ADAT2: variants seen among roughly 807,000 people sequenced by gnomAD.
The protein encoded by ADAT2 is adenosine deaminase tRNA specific 2.
ADAT2 carries 26 observed loss-of-function variants against 25.9 expected under a neutral mutation model. That is an observed-to-expected ratio of 1.00 (90% confidence interval 0.74 to 1.39). The LOEUF is 1.39. ADAT2 is among the 40% of genes most tolerant of loss of function. The pLI, the probability that ADAT2 is intolerant of heterozygous loss-of-function variation, is 0.00. For missense variants in ADAT2, 220 were observed against 244.8 expected (o/e 0.90, Z 0.68); for synonymous variants, 76 against 86.8 (o/e 0.88, Z 0.69).
chr6:143,448,605 G>C (rs541174277), intron 1 of ADAT2, among the ~76,000 whole-genome samples: 21 of 152,078 alleles, frequency 1.4e-4, no homozygotes, highest in African/African-American at 4.8e-4. Context: ...TTTCACTTTT[G>C]CCAATTTAAC....
rs778735857 is a variant in ADAT2, at chr6:143,432,646, A to C, written c.353-35T>G. 6.3e-7 allele frequency: 1 copy of C among 1,596,324 alleles called. No individual in the cohort carries two copies. Among genetic ancestry groups the C allele is most frequent in the South Asian group, 1.1e-5 (1 of 90,690 alleles). ...AATTAAGGTCCTGCATAGAATGTAC[A>C]TTTCAAGTATGTATCGTGACAAAAT... On this transcript the variant is annotated intron_variant, in intron 3 of 5. Transcript: ENST00000237283. This position sits in a 1 kb window ranked among gnomAD's most constrained non-coding sequence, Gnocchi z 4.4.
chr6:143,436,489 G>T lies in ADAT2; in HGVS notation c.201+2101C>A. On this transcript the variant is annotated intron_variant, in intron 2 of 5. Transcript: ENST00000237283. The surrounding 1 kb of genome is among the most constrained non-coding windows in gnomAD (Gnocchi z 4.1). Reference sequence around the variant, plus strand: ...CACCACTTTCATCAGTAACAACACGGCCATCCAGGAGCTGCTCAGAGACGT... The same window carrying T: ...CACCACTTTCATCAGTAACAACACGTCCATCCAGGAGCTGCTCAGAGACGT... The T allele has an allele frequency of 3.4e-6, 1 of 291,980 alleles. No individual in the cohort carries two copies. The highest frequency in any genetic ancestry group is 4.0e-5 in the South Asian group (1 of 24,818). The allele number at this position is 291,980 out of a possible 1,614,324, so 18.1% of individuals were successfully genotyped here.
chr6:143,432,042 T>G lies in ADAT2; in HGVS notation c.459+463A>C, dbSNP rs1256284276. On this transcript the variant is annotated intron_variant, in intron 4 of 5. Transcript: ENST00000237283. This position sits in a 1 kb window ranked among gnomAD's most constrained non-coding sequence, Gnocchi z 4.4. ...AAAGACATGAAAATACAGTGATTGC[T>G]AGATACTAAAATAAGGATGTGGCAA... 6.6e-6 allele frequency among the ~76,000 whole-genome samples: 1 copy of G among 152,218 alleles called. No individual in the cohort carries two copies. Among genetic ancestry groups the G allele is most frequent in the Non-Finnish European group, 1.5e-5 (1 of 68,014 alleles).
intron 2 of ADAT2, among the ~76,000 whole-genome samples, chr6:143,435,197 C>T (rs1024962879): frequency 1.3e-5 from 2 of 148,610 alleles, no homozygotes; most frequent in Non-Finnish European, 3.0e-5. Context: ...AACTTAGGTG[C>T]TTTCAAAAAA....
At chr6:143,450,516 C>G in intron 1 of ADAT2, 47 bp downstream of exon 1, 1 of 1,594,212 alleles carries the variant, frequency 6.3e-7, no homozygotes, top group Non-Finnish European at 8.6e-7. Context: ...GGGTTGAGGG[C>G]TGGAGAAAGG....
intron 2 of ADAT2, among the ~76,000 whole-genome samples, chr6:143,438,035 T>C (rs1779343094): frequency 6.6e-6 from 1 of 152,174 alleles, no homozygotes; most frequent in Non-Finnish European, 1.5e-5. Context: ...CAGCTGGTGT[T>C]GAAGACCCTA....
chr6:143,428,260 G>T lies in ADAT2; in HGVS notation c.*203C>A. 1 of 608,602 alleles carries T rather than the reference G, an allele frequency of 1.6e-6. No individual in the cohort carries two copies. Among genetic ancestry groups the T allele is most frequent in the Non-Finnish European group, 2.8e-6 (1 of 353,614 alleles). The allele number at this position is 608,602 out of a possible 1,614,324, so 37.7% of individuals were successfully genotyped here. On this transcript the variant is annotated 3_prime_UTR_variant, in exon 6 of 6. Transcript: ENST00000237283. This position sits in a 1 kb window ranked among gnomAD's most constrained non-coding sequence, Gnocchi z 5.0. ...CATCTTAAAATGGGAATCAGCTTCT[G>T]GAAAAGCTAATAACTGTTTACAATT... is the stretch of plus-strand genomic sequence containing the variant.
chr6:143,448,217 C>A (rs1463061178), intron 1 of ADAT2, among the ~76,000 whole-genome samples: 1 of 151,640 alleles, frequency 6.6e-6, no homozygotes, highest in Non-Finnish European at 1.5e-5. Flanking sequence ...CACTTGGACA[C>A]AGGGTGGGGA....
At position 143,427,295 on chromosome 6, in the gene ADAT2, G is replaced by C. The variant is rs1778965924; in HGVS notation, c.*1168C>G. On this transcript the variant is annotated 3_prime_UTR_variant, in exon 6 of 6. Transcript: ENST00000237283. ...TCAAATGACAGAACCAACAAATACA[G>C]ATGCTTTGCATCAAGGAAATGAATC... The C allele has an allele frequency of 1.3e-5, 2 of 152,598 alleles. No homozygotes were observed. The highest frequency in any genetic ancestry group is 1.5e-5 in the Non-Finnish European group (1 of 68,042). The allele number at this position is 152,598 out of a possible 1,614,324, so 9.5% of individuals were successfully genotyped here.
intron 4 of ADAT2, among the ~76,000 whole-genome samples, chr6:143,431,413 A>G (rs1187292411): frequency 2.0e-5 from 3 of 152,262 alleles, no homozygotes; most frequent in Non-Finnish European, 2.9e-5. Flanking sequence ...ATATGGAGTC[A>G]GCAATTCATT....
In ADAT2 at chr6:143,437,327, A is replaced by C. The variant is rs551687079; in HGVS notation, c.201+1263T>G. 6.6e-6 allele frequency among the ~76,000 whole-genome samples: 1 copy of C among 152,354 alleles called. No individual in the cohort carries two copies. Among genetic ancestry groups the C allele is most frequent in the Non-Finnish European group, 1.5e-5 (1 of 68,032 alleles). On this transcript the variant is annotated intron_variant, in intron 2 of 5. Transcript: ENST00000237283. The surrounding 1 kb of genome is among the most constrained non-coding windows in gnomAD (Gnocchi z 4.1). ...CAGTATTTTTAATCACTGATAATCT[A>C]ATGTTACAAAGAAATTGCTTTTTTC... is the stretch of plus-strand genomic sequence containing the variant.
chr6:143,448,932 C>T (rs1779673637), intron 1 of ADAT2, among the ~76,000 whole-genome samples: 1 of 152,116 alleles, frequency 6.6e-6, no homozygotes, highest in South Asian at 2.1e-4. Flanking sequence ...GGGTATACAT[C>T]TTTCCTTTTA....
At chr6:143,431,201 T>C (rs1267360608) in intron 4 of ADAT2, among the ~76,000 whole-genome samples, 2 of 152,264 alleles carry the variant, frequency 1.3e-5, no homozygotes, top group Non-Finnish European at 2.9e-5. Flanking sequence ...GCTGAGCCGA[T>C]GTGGCTAGGT....
Position 143,432,708 on chromosome 6 carries a change from G to T in ADAT2, c.353-97C>A. The T allele has an allele frequency of 9.0e-7, 1 of 1,110,782 alleles. No individual in the cohort carries two copies. Among genetic ancestry groups the T allele is most frequent in the Non-Finnish European group, 1.4e-6 (1 of 737,188 alleles). 68.8% of individuals were successfully genotyped at this position (1,110,782 alleles called of 1,614,324 possible). ...TATACCAGCCATCCTGGAGAGGAAC[G>T]CTCATGCTACTCTTCAAACCAGTGA... On this transcript the variant is annotated intron_variant, in intron 3 of 5. Coordinates refer to ENST00000237283, the MANE Select transcript of ADAT2 (RefSeq NM_182503.3). This position sits in a 1 kb window ranked among gnomAD's most constrained non-coding sequence, Gnocchi z 4.4.
At chr6:143,441,654 T>C (rs1327118317) in intron 1 of ADAT2, 1 of 152,076 alleles carries the variant, frequency 6.6e-6, no homozygotes. Flanking sequence ...GATCCAAACT[T>C]CCCACCAGGC....
At position 143,428,718 on chromosome 6, in the gene ADAT2, G is replaced by A. The variant is rs1779016813; in HGVS notation, c.460-34C>T. The A allele has an allele frequency of 1.3e-6, 2 of 1,598,586 alleles. No individual in the cohort carries two copies. The highest frequency in any genetic ancestry group is 1.7e-4 in the Middle Eastern group (1 of 6,022). ...ATGAGAAAGTTGAGAATAAACATAGGCCTATGAAAATGTGTGCTGTATCCC... is the reference window on the plus strand; with the variant it reads ...ATGAGAAAGTTGAGAATAAACATAGACCTATGAAAATGTGTGCTGTATCCC... On this transcript the variant is annotated intron_variant, in intron 4 of 5. Coordinates refer to ENST00000237283, the MANE Select transcript of ADAT2 (RefSeq NM_182503.3). This position sits in a 1 kb window ranked among gnomAD's most constrained non-coding sequence, Gnocchi z 5.0.
In ADAT2 at chr6:143,437,625, A is replaced by C. The variant is rs1779329505; in HGVS notation, c.201+965T>G. Among the ~76,000 whole-genome samples, 1 of 152,218 alleles carries C rather than the reference A, an allele frequency of 6.6e-6. No individual in the cohort carries two copies. Among genetic ancestry groups the C allele is most frequent in the Non-Finnish European group, 1.5e-5 (1 of 68,024 alleles). On this transcript the variant is annotated intron_variant, in intron 2 of 5. Transcript: ENST00000237283. This position sits in a 1 kb window ranked among gnomAD's most constrained non-coding sequence, Gnocchi z 4.1. Reference sequence around the variant, plus strand: ...TAATCCTGTTCTATTTTATGGCTAAAAATAAATAAGTAAATAAATGATTTG... The same window carrying C: ...TAATCCTGTTCTATTTTATGGCTAACAATAAATAAGTAAATAAATGATTTG...
intron 1 of ADAT2, among the ~76,000 whole-genome samples, chr6:143,448,502 T>C (rs1349307714): frequency 6.6e-6 from 1 of 151,796 alleles, no homozygotes; most frequent in Non-Finnish European, 1.5e-5. Context: ...ACATGTTACA[T>C]ACAAAAAAAA....
In ADAT2 at chr6:143,444,192, G is replaced by GT. The variant is rs200560097; in HGVS notation, c.97-5499dup. Among the ~76,000 whole-genome samples, 50 of 151,962 alleles carry GT rather than the reference G, an allele frequency of 3.3e-4. No individual in the cohort carries two copies. Among genetic ancestry groups the GT allele is most frequent in the South Asian group, 1.9e-3 (9 of 4,810 alleles). ...CTTCATGTTTATTTTGAGTAACACA[G>GT]TTTTTTTTCCTGAAATGCCTTCCAC... On this transcript the variant is annotated intron_variant, in intron 1 of 5. Coordinates refer to ENST00000237283, the MANE Select transcript of ADAT2 (RefSeq NM_182503.3). This position sits in a 1 kb window ranked among gnomAD's most constrained non-coding sequence, Gnocchi z 4.3.
Sources: gnomAD v4.1 joint callset for allele counts (sites outside exome capture counted in the v4.1 genomes callset) on GRCh38, gnomAD v4.1.1 for gene constraint, Gnocchi (gnomAD v3.1) non-coding constraint, MANE v1.5 for transcripts, NCBI Gene and HGNC (gene_info 2026-07-23, HGNC 2026-07-21) for gene names.